The following KAT6B variants were observed in gnomAD, a reference collection of about 807,000 sequenced individuals.
The protein encoded by KAT6B is lysine acetyltransferase 6B.
In KAT6B, 10 loss-of-function variants were observed where a neutral mutation model predicts 187.5. The observed-to-expected ratio is 0.05, with a 90% CI of 0.03 to 0.09. The LOEUF (loss-of-function observed/expected upper bound fraction) is 0.09. Ranked by LOEUF, KAT6B falls within the 10% of genes least tolerant of loss-of-function variation. KAT6B has a pLI of 1.00. For synonymous variants in KAT6B, 861 were observed against 926.8 expected (o/e 0.93, Z 1.29); for missense variants, 1,952 against 2,558.9 (o/e 0.76, Z 5.12).
In KAT6B at chr10:75,022,138, GGAAGAAGAGGAA is replaced by G. The variant is rs1485273995; in HGVS notation, c.3288_3299del (p.Glu1101_Glu1104del). 4 of 1,585,314 alleles carry G rather than the reference GGAAGAAGAGGAA, an allele frequency of 2.5e-6. No individual in the cohort carries two copies. The highest frequency in any genetic ancestry group is 2.2e-5 in the South Asian group (2 of 89,646). On this transcript the variant is annotated inframe_deletion, in exon 16 of 18. Transcript: ENST00000287239. ...AAGAAGAGGAAGAGGATGAAGAGGA[GGAAGAAGAGGAA>G]GAAGAAGAAGAAGAAGAAGAAAATA...
intron 7 of KAT6B, among the ~76,000 whole-genome samples, chr10:74,973,412 G>T (rs10490993): frequency 6.6e-6 from 1 of 152,126 alleles, no homozygotes; most frequent in Non-Finnish European, 1.5e-5. Flanking sequence ...TTACGAATGG[G>T]ATCAGTAGAC....
chr10:74,897,014 T>C (rs1846039231), intron 3 of KAT6B, among the ~76,000 whole-genome samples: 1 of 152,200 alleles, frequency 6.6e-6, no homozygotes, highest in African/African-American at 2.4e-5. Context: ...ATTTATTGAC[T>C]TTACATTTAA....
In KAT6B at chr10:75,029,549, C is replaced by T; in HGVS notation, c.4725C>T (p.Tyr1575=). 6.2e-7 allele frequency: 1 copy of T among 1,614,176 alleles called. No individual in the cohort carries two copies. The highest frequency in any genetic ancestry group is 8.5e-7 in the Non-Finnish European group (1 of 1,180,038). ...AGGCCTGTAGAAGCCTACAGAACTA[C>T]ACCCGTGCAGACCAAAGTCCACAGA... is the stretch of plus-strand genomic sequence containing the variant. ...TQEACRSLQN[Y]TRADQSPQIA... The change falls in exon 18 of 18, where the codon TAC becomes TAT. Residue 1575 remains tyrosine, a synonymous_variant. Coordinates refer to ENST00000287239, the MANE Select transcript of KAT6B (RefSeq NM_012330.4). This position sits in a 1 kb window ranked among gnomAD's most constrained non-coding sequence, Gnocchi z 6.2.
Position 75,028,663 on chromosome 10 carries a change from C to A in KAT6B, c.3839C>A (p.Pro1280His). 1 of 1,614,080 alleles carries A rather than the reference C, an allele frequency of 6.2e-7. No homozygotes were observed. The highest frequency in any genetic ancestry group is 8.5e-7 in the Non-Finnish European group (1 of 1,180,030). The change falls in exon 18 of 18, where the codon CCC (proline) becomes CAC (histidine). Residue 1280 changes from proline to histidine, a missense_variant. Physicochemically the swap from Pro to His is moderately conservative, Grantham distance 77. Transcript: ENST00000287239. ...KLNLYTPPETPMEPDEQVTVE... is the reference protein window; with the variant it reads ...KLNLYTPPETHMEPDEQVTVE... Reference sequence around the variant, plus strand: ...AATTTGTACACCCCGCCAGAAACACCCATGGAGCCTGACGAGCAGGTAACA... The same window carrying A: ...AATTTGTACACCCCGCCAGAAACACACATGGAGCCTGACGAGCAGGTAACA...
chr10:74,872,754 A>T (rs572960947), intron 3 of KAT6B, among the ~76,000 whole-genome samples: 1 of 150,480 alleles, frequency 6.6e-6, no homozygotes, highest in East Asian at 1.9e-4. Context: ...GGTTCAAGTG[A>T]TCCTCCCACT....
chr10:74,896,170 C>G (rs150146433), intron 3 of KAT6B, among the ~76,000 whole-genome samples: 1 of 152,244 alleles, frequency 6.6e-6, no homozygotes, highest in East Asian at 1.9e-4. Flanking sequence ...TTTTATAAAC[C>G]CCCTCTCTCC....
chr10:74,981,770 T>C lies in KAT6B; in HGVS notation c.2232-17T>C. 1 of 1,468,166 alleles carries C rather than the reference T, an allele frequency of 6.8e-7. No individual in the cohort carries two copies. The allele number at this position is 1,468,166 out of a possible 1,614,324, so 90.9% of individuals were successfully genotyped here. A position where few individuals can be genotyped will look rare whatever the true frequency, so the allele number is the denominator to read the frequency against. On this transcript the variant is annotated splice_polypyrimidine_tract_variant and intron_variant, in intron 10 of 17. Transcript: ENST00000287239. ...ATAATCTATCTGATAGATTCTATGATTTTTAAACTTTAACAGATTACCAAA... is the reference window on the plus strand; with the variant it reads ...ATAATCTATCTGATAGATTCTATGACTTTTAAACTTTAACAGATTACCAAA...
At chr10:74,948,278 A>G (rs1164117714) in intron 3 of KAT6B, among the ~76,000 whole-genome samples, 4 of 152,258 alleles carry the variant, frequency 2.6e-5, no homozygotes, top group Admixed American at 2.6e-4. Context: ...CACTTGGAGT[A>G]CCAATTATAT....
Position 74,909,293 on chromosome 10 carries a change from C to T in KAT6B, c.622-50677C>T, listed in dbSNP as rs1214840652. ...GGCTGAGGCAGGAGACTCGCTTGAA[C>T]CTGGGAGGTGAAGGTTGCAGTGAGC... On this transcript the variant is annotated intron_variant, in intron 3 of 17. Transcript: ENST00000287239. 2.0e-5 allele frequency among the ~76,000 whole-genome samples: 3 copies of T among 152,324 alleles called. 1 individual carries two copies. Among genetic ancestry groups the T allele is most frequent in the Middle Eastern group, 6.8e-3 (2 of 294 alleles).
chr10:75,014,369 C>T (rs1266140043), intron 13 of KAT6B, among the ~76,000 whole-genome samples: 1 of 152,076 alleles, frequency 6.6e-6, no homozygotes, highest in East Asian at 1.9e-4. Flanking sequence ...ACTGGCTTCT[C>T]TTAAGCCAGA....
chr10:75,009,027 C>T (rs912083501), intron 13 of KAT6B, among the ~76,000 whole-genome samples: 7 of 152,278 alleles, frequency 4.6e-5, no homozygotes, highest in Non-Finnish European at 1.5e-5. Flanking sequence ...TTACAAGAGA[C>T]AGTTACATAA....
At chr10:74,855,653 C>G (rs1032981132) in intron 3 of KAT6B, among the ~76,000 whole-genome samples, 1 of 152,162 alleles carries the variant, frequency 6.6e-6, no homozygotes, top group Non-Finnish European at 1.5e-5. Flanking sequence ...AGGTAGACTC[C>G]TGGCAGTGTG....
At chr10:74,966,193 C>T (rs1841456374) in intron 4 of KAT6B, among the ~76,000 whole-genome samples, 1 of 152,198 alleles carries the variant, frequency 6.6e-6, no homozygotes, top group Non-Finnish European at 1.5e-5. Flanking sequence ...GGTGGAGTCT[C>T]TCTCATGCTT....
intron 3 of KAT6B, among the ~76,000 whole-genome samples, chr10:74,891,930 T>G (rs976037596): frequency 4.6e-5 from 7 of 152,140 alleles, no homozygotes; most frequent in African/African-American, 1.7e-4. Context: ...TCCTGGTAGG[T>G]TCTACCTTCT....
At chr10:74,989,400 C>T (rs1213484992) in intron 13 of KAT6B, among the ~76,000 whole-genome samples, 2 of 152,144 alleles carry the variant, frequency 1.3e-5, no homozygotes, top group African/African-American at 4.8e-5. Flanking sequence ...TTGTGGTGCT[C>T]ATGCTCATTA....
intron 3 of KAT6B, among the ~76,000 whole-genome samples, chr10:74,896,072 T>C (rs1845967437): frequency 6.6e-6 from 1 of 152,134 alleles, no homozygotes; most frequent in Admixed American, 6.5e-5. Flanking sequence ...GTGAAAATGT[T>C]CCAGTCAGCC....
intron 3 of KAT6B, among the ~76,000 whole-genome samples, chr10:74,948,110 C>A (rs1185551779): frequency 6.6e-6 from 1 of 152,098 alleles, no homozygotes; most frequent in Non-Finnish European, 1.5e-5. Context: ...ATGAATACTG[C>A]AATTGAAAGG....
chr10:75,029,468 G>A lies in KAT6B; in HGVS notation c.4644G>A (p.Leu1548=). The A allele has an allele frequency of 6.2e-7, 1 of 1,614,154 alleles. No individual in the cohort carries two copies. The highest frequency in any genetic ancestry group is 8.5e-7 in the Non-Finnish European group (1 of 1,180,032). Reference sequence around the variant, plus strand: ...AGACTGTCCAGGCCGTTCAGTCTTTGACCCAGGAGAGCAGCGAACAGGACG... The same window carrying A: ...AGACTGTCCAGGCCGTTCAGTCTTTAACCCAGGAGAGCAGCGAACAGGACG... ...DSETVQAVQS[L]TQESSEQDDT... is the part of the protein sequence containing the mutation. The change falls in exon 18 of 18, where the codon TTG becomes TTA. Residue 1548 remains leucine, a synonymous_variant. Coordinates refer to ENST00000287239, the MANE Select transcript of KAT6B (RefSeq NM_012330.4). This position sits in a 1 kb window ranked among gnomAD's most constrained non-coding sequence, Gnocchi z 6.2.
intron 13 of KAT6B, among the ~76,000 whole-genome samples, chr10:75,014,593 A>C (rs949038799): frequency 2.6e-5 from 4 of 152,222 alleles, no homozygotes; most frequent in African/African-American, 9.6e-5. Flanking sequence ...CTGAGTGCTG[A>C]GGCCAAAGCA....
Sources: allele counts gnomAD v4.1 joint callset (sites outside exome capture counted in the v4.1 genomes callset), GRCh38; gene constraint gnomAD v4.1.1; non-coding constraint Gnocchi (gnomAD v3.1); transcripts MANE v1.5; gene names NCBI Gene and HGNC (gene_info 2026-07-23, HGNC 2026-07-21).